Variants in KCNH7 observed in about 807,000 individuals in gnomAD.
KCNH7 encodes potassium voltage-gated channel subfamily H member 7, also known as voltage-gated inwardly rectifying potassium channel KCNH7.
Under a neutral mutation model 120.8 loss-of-function variants are expected in KCNH7, and 49 were observed. The observed-to-expected ratio is 0.41, with a 90% CI of 0.32 to 0.51. KCNH7 has a LOEUF of 0.51. Among genes scored for constraint, KCNH7 ranks in the 20% least tolerant of loss-of-function variants. The pLI is 0.38. For synonymous variants in KCNH7, 547 were observed against 516.1 expected (o/e 1.06, Z -0.81); for missense variants, 1,097 against 1,446.6 (o/e 0.76, Z 3.92).
At chr2:162,372,968 G>A (rs1686013866) in intron 15 of KCNH7, among the ~76,000 whole-genome samples, 1 of 152,128 alleles carries the variant, frequency 6.6e-6, no homozygotes, top group African/African-American at 2.4e-5. Context: ...GTACAGACAA[G>A]ATTACTAGTC....
intron 7 of KCNH7, among the ~76,000 whole-genome samples, chr2:162,437,524 A>G (rs1483673473): frequency 6.6e-6 from 1 of 152,164 alleles, no homozygotes; most frequent in African/African-American, 2.4e-5. Context: ...CTTAGCAGTT[A>G]TGTGCTACGA....
chr2:162,520,431 T>G (rs1028994902), intron 3 of KCNH7, among the ~76,000 whole-genome samples: 33 of 151,790 alleles, frequency 2.2e-4, no homozygotes, highest in African/African-American at 7.7e-4. Flanking sequence ...TGTACCATTA[T>G]TGTCCACCCT....
At chr2:162,435,063 G>T in intron 8 of KCNH7, 135 bp downstream of exon 8, 1 of 780,372 alleles carries the variant, frequency 1.3e-6, no homozygotes, top group Non-Finnish European at 2.0e-6. Flanking sequence ...ATGGAATACA[G>T]TACCCATATA....
chr2:162,752,929 A>AAAAGAAAAGAAAAGAAAAGAAAAG (rs1688624395), intron 2 of KCNH7, among the ~76,000 whole-genome samples: 1 of 81,768 alleles, frequency 1.2e-5, no homozygotes, highest in African/African-American at 7.8e-5. Context: ...AAAAGAAAAG[A>AAAAGAAAAGAAAAGAAAAGAAAAG]AAAGAAAAGA....
At chr2:162,551,326 G>A (rs78902234) in intron 2 of KCNH7, among the ~76,000 whole-genome samples, 1 of 151,956 alleles carries the variant, frequency 6.6e-6, no homozygotes, top group Non-Finnish European at 1.5e-5. Flanking sequence ...CACAAATCTT[G>A]CACAATTAAG....
chr2:162,669,033 G>A (rs982230389), intron 2 of KCNH7, among the ~76,000 whole-genome samples: 2 of 152,124 alleles, frequency 1.3e-5, no homozygotes, highest in African/African-American at 2.4e-5. Context: ...AGCCTTGATG[G>A]TCAGAAAGAT....
chr2:162,457,693 A>G (rs1387757527), intron 6 of KCNH7, among the ~76,000 whole-genome samples: 2 of 152,202 alleles, frequency 1.3e-5, no homozygotes, highest in Non-Finnish European at 2.9e-5. Flanking sequence ...GTTAAACGCC[A>G]TGATGAGGTG....
At chr2:162,429,409 C>G (rs1202361920) in intron 8 of KCNH7, among the ~76,000 whole-genome samples, 2 of 71,946 alleles carry the variant, frequency 2.8e-5, no homozygotes, top group South Asian at 4.0e-4. Context: ...TTTTTTTACT[C>G]ACACATTTAC....
chr2:162,714,127 C>T (rs1428487080), intron 2 of KCNH7, among the ~76,000 whole-genome samples: 1 of 152,182 alleles, frequency 6.6e-6, no homozygotes, highest in Non-Finnish European at 1.5e-5. Flanking sequence ...TTATTATCCA[C>T]TATTTCTGCA....
chr2:162,838,544 C>G lies in KCNH7; in HGVS notation c.-26G>C, dbSNP rs1460471907. On this transcript the variant is annotated 5_prime_UTR_variant, in exon 1 of 16. Transcript: ENST00000332142. ...GTTGGCCCCGGTCTTCCGAGGAGCGCTCCCCCGGAGCTCTGGAGTTCTCCC... is the reference window on the plus strand; with the variant it reads ...GTTGGCCCCGGTCTTCCGAGGAGCGGTCCCCCGGAGCTCTGGAGTTCTCCC... 2 of 1,592,648 alleles carry G rather than the reference C, an allele frequency of 1.3e-6. No individual in the cohort carries two copies. Among genetic ancestry groups the G allele is most frequent in the Admixed American group, 1.7e-5 (1 of 59,916 alleles).
At chr2:162,478,349 C>T (rs991200102) in intron 6 of KCNH7, among the ~76,000 whole-genome samples, 33 of 152,138 alleles carry the variant, frequency 2.2e-4, no homozygotes, top group Admixed American at 2.2e-3. Flanking sequence ...GCAGATTTTC[C>T]AGCAAGTATT....
chr2:162,732,847 C>T (rs1180732555), intron 2 of KCNH7, among the ~76,000 whole-genome samples: 4 of 152,148 alleles, frequency 2.6e-5, no homozygotes, highest in Non-Finnish European at 5.9e-5. Context: ...CTTTCTACAC[C>T]TCCATCATTA....
At chr2:162,792,818 C>G (rs1324693209) in intron 2 of KCNH7, among the ~76,000 whole-genome samples, 1 of 131,008 alleles carries the variant, frequency 7.6e-6, no homozygotes. Context: ...TCTCAATCTC[C>G]TTCAGTTCAG....
In KCNH7 at chr2:162,371,822, A is replaced by C; in HGVS notation, c.*7T>G. 1 of 1,605,968 alleles carries C rather than the reference A, an allele frequency of 6.2e-7. No homozygotes were observed. The highest frequency in any genetic ancestry group is 8.5e-7 in the Non-Finnish European group (1 of 1,173,520). On this transcript the variant is annotated 3_prime_UTR_variant, in exon 16 of 16. Coordinates refer to ENST00000332142, the MANE Select transcript of KCNH7 (RefSeq NM_033272.4). ...ACATTGTATGTGGAGTAAATAGTAC[A>C]AAATGATTATTTCCCTGGAAGACCA...
intron 2 of KCNH7, among the ~76,000 whole-genome samples, chr2:162,654,272 A>G (rs1684667900): frequency 6.6e-6 from 1 of 152,052 alleles, no homozygotes; most frequent in South Asian, 2.1e-4. Context: ...TTCAAAATAT[A>G]TAAGGAGCTC....
intron 2 of KCNH7, among the ~76,000 whole-genome samples, chr2:162,657,798 G>A (rs749820938): frequency 2.0e-5 from 3 of 152,054 alleles, no homozygotes; most frequent in East Asian, 1.9e-4. Context: ...TTAGGTTTAC[G>A]ATCTCCACAG....
rs376635470 is a variant in KCNH7, at chr2:162,549,389, A to G, written c.308-12309T>C. Among the ~76,000 whole-genome samples the G allele has an allele frequency of 6.6e-5, 10 of 152,340 alleles. No homozygotes were observed. In the South Asian group the frequency reaches 1.9e-3, roughly 28 times the overall value. On this transcript the variant is annotated intron_variant, in intron 2 of 15. Transcript: ENST00000332142. ...TCTAAACAGGAACTTTCATCAAAACACCAATGGTTCCTTCTTTTTGCCTGA... is the reference window on the plus strand; with the variant it reads ...TCTAAACAGGAACTTTCATCAAAACGCCAATGGTTCCTTCTTTTTGCCTGA...
At chr2:162,734,551 C>G (rs948710197) in intron 2 of KCNH7, among the ~76,000 whole-genome samples, 2 of 152,052 alleles carry the variant, frequency 1.3e-5, no homozygotes, top group Non-Finnish European at 2.9e-5. Context: ...TTTTTTCCAC[C>G]ATGATTCTCT....
chr2:162,804,893 T>C (rs1031834606), intron 2 of KCNH7, among the ~76,000 whole-genome samples: 1 of 151,784 alleles, frequency 6.6e-6, no homozygotes, highest in Admixed American at 6.6e-5. Context: ...CTTAATGATA[T>C]AGACACATAA....
Sources: gnomAD v4.1 joint callset for allele counts (sites outside exome capture counted in the v4.1 genomes callset) on GRCh38, gnomAD v4.1.1 for gene constraint, MANE v1.5 for transcripts, NCBI Gene and HGNC (gene_info 2026-07-23, HGNC 2026-07-21) for gene names.